Variants in TMTC2 observed in about 807,000 individuals in gnomAD.
TMTC2 encodes the protein protein O-mannosyl-transferase TMTC2.
A neutral mutation model predicts 82.4 loss-of-function variants in TMTC2; 43 were observed. The ratio of observed to expected loss-of-function variants is 0.52; its 90% confidence interval spans 0.41 to 0.67. TMTC2 has a LOEUF of 0.67. Ranked by LOEUF, TMTC2 falls within the 30% of genes least tolerant of loss-of-function variation. The pLI is 0.00. For synonymous variants in TMTC2, 408 were observed against 381.9 expected (o/e 1.07, Z -0.80); for missense variants, 919 against 1,012.4 (o/e 0.91, Z 1.25).
intron 1 of TMTC2, chr12:82,690,367 A>C (rs1416907043): frequency 1.0e-6 from 1 of 985,324 alleles, no homozygotes; most frequent in Non-Finnish European, 1.2e-6. Context: ...TGAAGGGAGA[A>C]GCACTCAAGG....
intron 6 of TMTC2, 50 bp downstream of exon 6, chr12:82,965,794 G>A: frequency 1.2e-6 from 2 of 1,606,352 alleles, no homozygotes; most frequent in Non-Finnish European, 1.7e-6. Context: ...TTCTGATCCA[G>A]TCTCAGTGGT....
At chr12:82,752,944 C>T (rs1229075528) in intron 1 of TMTC2, among the ~76,000 whole-genome samples, 1 of 152,080 alleles carries the variant, frequency 6.6e-6, no homozygotes, top group African/African-American at 2.4e-5. Context: ...TATTAGACCC[C>T]TAGGCTAAAA....
Position 82,815,644 on chromosome 12 carries a change from A to AT in TMTC2, c.84-41359dup, listed in dbSNP as rs548103464. ...TCTGCTCTACTGAAGATAAATACAG[A>AT]TTTTTTTATTTTTTTATTTTTATTT... On this transcript the variant is annotated intron_variant, in intron 1 of 11. Coordinates refer to ENST00000321196, the MANE Select transcript of TMTC2 (RefSeq NM_152588.3). 1.6e-3 allele frequency among the ~76,000 whole-genome samples: 244 copies of AT among 151,966 alleles called. 1 individual carries two copies. Among genetic ancestry groups the AT allele is most frequent in the African/African-American group, 4.8e-3 (198 of 41,454 alleles).
intron 9 of TMTC2, among the ~76,000 whole-genome samples, chr12:83,045,874 A>G (rs1314680126): frequency 6.6e-6 from 1 of 152,108 alleles, no homozygotes; most frequent in Non-Finnish European, 1.5e-5. Context: ...AACACCTGAA[A>G]GTGATGCTCA....
intron 2 of TMTC2, among the ~76,000 whole-genome samples, chr12:82,881,538 G>A (rs1872823081): frequency 6.6e-6 from 1 of 152,180 alleles, no homozygotes; most frequent in African/African-American, 2.4e-5. Flanking sequence ...CTTTTGGCAA[G>A]AAGACGTTTT....
chr12:82,741,619 A>G (rs960027246), intron 1 of TMTC2, among the ~76,000 whole-genome samples: 1 of 152,136 alleles, frequency 6.6e-6, no homozygotes, highest in Non-Finnish European at 1.5e-5. Flanking sequence ...GGTGCTTTTT[A>G]GCTTTTCAAT....
intron 1 of TMTC2, among the ~76,000 whole-genome samples, chr12:82,749,845 C>A (rs1875889197): frequency 6.7e-6 from 1 of 149,062 alleles, no homozygotes; most frequent in African/African-American, 2.5e-5. Context: ...TCAAGCAATT[C>A]TCCTGCCTCT....
In TMTC2 at chr12:82,687,632, C is replaced by T; in HGVS notation, c.46C>T (p.Leu16Phe). The change falls in exon 1 of 12, where the codon CTC (leucine) becomes TTC (phenylalanine). Residue 16 changes from leucine (L) to phenylalanine (F), a missense_variant. Transcript: ENST00000321196. ...VSSALGLALY[L>F]NTLSADFCYD... is the part of the protein sequence containing the mutation. Reference sequence around the variant, plus strand: ...CAGCGCTCTGGGGCTCGCCTTGTATCTCAACACCCTGAGTGCGGATTTCTG... The same window carrying T: ...CAGCGCTCTGGGGCTCGCCTTGTATTTCAACACCCTGAGTGCGGATTTCTG... 1 of 1,604,996 alleles carries T rather than the reference C, an allele frequency of 6.2e-7. No homozygotes were observed. Among genetic ancestry groups the T allele is most frequent in the Non-Finnish European group, 8.5e-7 (1 of 1,176,964 alleles).
chr12:82,797,042 T>C (rs879248698), intron 1 of TMTC2, among the ~76,000 whole-genome samples: 1 of 152,214 alleles, frequency 6.6e-6, no homozygotes, highest in Admixed American at 6.5e-5. Flanking sequence ...CTGTGATTTA[T>C]GTCAGAGGAT....
At chr12:82,832,418 T>C (rs1234977431) in intron 1 of TMTC2, among the ~76,000 whole-genome samples, 2 of 151,994 alleles carry the variant, frequency 1.3e-5, no homozygotes, top group East Asian at 3.9e-4. Flanking sequence ...AAACTTATAG[T>C]ATACATTTTC....
At chr12:82,875,895 C>G (rs115128441) in intron 2 of TMTC2, among the ~76,000 whole-genome samples, 5 of 120,882 alleles carry the variant, frequency 4.1e-5, no homozygotes, top group Non-Finnish European at 7.9e-5. Flanking sequence ...GGAGAGCTCA[C>G]GCTTAAAAAA....
At chr12:82,737,338 G>T (rs12311560) in intron 1 of TMTC2, among the ~76,000 whole-genome samples, 3,661 of 151,888 alleles carry the variant, frequency 0.024, 152 homozygotes, top group African/African-American at 0.085. Context: ...TTTAATATCA[G>T]GTCTAAAGTG....
intron 1 of TMTC2, among the ~76,000 whole-genome samples, chr12:82,771,465 T>C (rs183062665): frequency 3.3e-5 from 5 of 152,320 alleles, no homozygotes; most frequent in South Asian, 4.2e-4. Context: ...AGGAAGTAGA[T>C]AATGCTGTCA....
intron 4 of TMTC2, among the ~76,000 whole-genome samples, chr12:82,955,777 T>C (rs1214047934): frequency 6.6e-6 from 1 of 152,176 alleles, no homozygotes; most frequent in Non-Finnish European, 1.5e-5. Context: ...GTCTGCTTAA[T>C]TTCATTGTCT....
chr12:83,084,639 A>G (rs910028047), intron 11 of TMTC2, among the ~76,000 whole-genome samples: 3 of 152,230 alleles, frequency 2.0e-5, no homozygotes, highest in African/African-American at 7.2e-5. Flanking sequence ...AAGAGGAAAA[A>G]AGACTAAAAT....
Position 82,934,849 on chromosome 12 carries a change from C to T in TMTC2, c.1598+4304C>T, listed in dbSNP as rs117844344. On this transcript the variant is annotated intron_variant, in intron 4 of 11. Transcript: ENST00000321196. The stretch of plus-strand genomic sequence containing the variant: ...TTAGACTCCACCAGCAGTGTAAAAG[C>T]GTTGCTATGTCTCCATATCCTTTCC... 2.2e-4 allele frequency among the ~76,000 whole-genome samples: 34 copies of T among 152,218 alleles called. 1 individual carries two copies. The East Asian group carries it at 6.4e-3, about 29-fold the overall frequency.
chr12:82,993,173 T>TG (rs1458395142), intron 8 of TMTC2, among the ~76,000 whole-genome samples: 1 of 152,038 alleles, frequency 6.6e-6, no homozygotes. Context: ...TTAATAGGGA[T>TG]GGGGTTTCAC....
chr12:83,089,713 G>A (rs532772939), intron 11 of TMTC2, among the ~76,000 whole-genome samples: 14 of 152,146 alleles, frequency 9.2e-5, no homozygotes, highest in Admixed American at 7.9e-4. Flanking sequence ...GGACAGTGGT[G>A]AGCAACAGGA....
At chr12:82,750,653 A>G (rs941985154) in intron 1 of TMTC2, among the ~76,000 whole-genome samples, 1 of 152,186 alleles carries the variant, frequency 6.6e-6, no homozygotes, top group African/African-American at 2.4e-5. Flanking sequence ...AGATATTATT[A>G]TTAATCCTGA....
Sources: gnomAD v4.1 joint callset for allele counts (sites outside exome capture counted in the v4.1 genomes callset) on GRCh38, gnomAD v4.1.1 for gene constraint, MANE v1.5 for transcripts, NCBI Gene and HGNC (gene_info 2026-07-23, HGNC 2026-07-21) for gene names.